Variants in COL18A1 observed in about 807,000 individuals in gnomAD.
COL18A1 encodes collagen type XVIII alpha 1 chain.
COL18A1 carries 133 observed loss-of-function variants against 168.0 expected under a neutral mutation model. The observed-to-expected ratio is 0.79, with a 90% confidence interval of 0.69 to 0.91. The LOEUF is 0.91. Among genes scored for constraint, COL18A1 ranks in the 40% least tolerant of loss-of-function variants. The pLI, the probability that COL18A1 is intolerant of heterozygous loss-of-function variation, is 0.00. For synonymous variants in COL18A1, 949 were observed against 809.0 expected (o/e 1.17, Z -2.94); for missense variants, 2,126 against 1,925.4 (o/e 1.10, Z -1.95).
chr21:45,434,640 G>A (rs2034050855), intron 2 of COL18A1, among the ~76,000 whole-genome samples: 1 of 152,226 alleles, frequency 6.6e-6, no homozygotes, highest in Admixed American at 6.5e-5. Flanking sequence ...GGGTGGCAGA[G>A]GCTGAATGAA....
At chr21:45,495,716 A>T (rs868134391) in intron 29 of COL18A1, 1 of 314,000 alleles carries the variant, frequency 3.2e-6, no homozygotes, top group Middle Eastern at 8.8e-4. Flanking sequence ...GCGCACACAT[A>T]CACGCACACA....
chr21:45,427,738 C>T (rs1187978685), intron 2 of COL18A1, among the ~76,000 whole-genome samples: 4 of 152,210 alleles, frequency 2.6e-5, no homozygotes, highest in South Asian at 2.1e-4. Context: ...TCTGCCGGGC[C>T]GAGCATTCAT....
Position 45,505,511 on chromosome 21 carries a change from C to A in COL18A1, c.3087+80C>A, listed in dbSNP as rs62214274. The A allele has an allele frequency of 0.36, 278,253 of 782,302 alleles. 52,914 individuals are homozygous for A. The highest frequency in any genetic ancestry group is 0.57 in the African/African-American group (33,599 of 58,510). 48.5% of individuals were successfully genotyped at this position (782,302 alleles called of 1,614,324 possible). On this transcript the variant is annotated intron_variant, in intron 36 of 41. Coordinates refer to ENST00000651438, the MANE Select transcript of COL18A1 (RefSeq NM_001379500.1). ...GCAGCCCCTGCCCCTCAGAGACACT[C>A]TCCCACGGACCCCACAGGGAGATAT...
At chr21:45,508,437 G>GGACA (rs1338954686) in intron 38 of COL18A1, among the ~76,000 whole-genome samples, 20 of 147,688 alleles carry the variant, frequency 1.4e-4, no homozygotes, top group African/African-American at 5.0e-4. Context: ...GATGGATGGT[G>GGACA]GGTAAGTGGG....
At chr21:45,437,281 C>T (rs955779304) in intron 2 of COL18A1, among the ~76,000 whole-genome samples, 1 of 135,162 alleles carries the variant, frequency 7.4e-6, no homozygotes, top group Non-Finnish European at 1.5e-5. Context: ...CACACAGGCA[C>T]TCTCCTGCAC....
At chr21:45,467,484 G>C (rs1048864373) in intron 2 of COL18A1, 1 of 961,206 alleles carries the variant, frequency 1.0e-6, no homozygotes, top group African/African-American at 1.8e-5. Flanking sequence ...CAGCATGGGG[G>C]GGATGGGGAG....
rs190659656 is a variant in COL18A1 at position 45,431,094 on chromosome 21, C to T, written c.106+25621C>T. Among the ~76,000 whole-genome samples the T allele has an allele frequency of 1.1e-4, 17 of 152,102 alleles. 1 individual carries two copies. The South Asian group carries it at 3.1e-3, about 28-fold the overall frequency. Reference sequence around the variant, plus strand: ...TTTGCTGGTTTGAGGCTGGGGGTGACGCTCCTGTGCGGGAGGAGGTCGCAT... The same window carrying T: ...TTTGCTGGTTTGAGGCTGGGGGTGATGCTCCTGTGCGGGAGGAGGTCGCAT... On this transcript the variant is annotated intron_variant, in intron 2 of 41. Coordinates refer to ENST00000651438, the MANE Select transcript of COL18A1 (RefSeq NM_001379500.1).
intron 18 of COL18A1, 87 bp from the exon 19 acceptor site, chr21:45,489,399 C>A: frequency 2.0e-6 from 2 of 1,009,088 alleles, no homozygotes; most frequent in Non-Finnish European, 3.1e-6. Context: ...TCCTGGGTAA[C>A]TCACCCTTCC....
At position 45,473,238 on chromosome 21, in the gene COL18A1, G is replaced by A. The variant is rs2035513766; in HGVS notation, c.652-657G>A. ...ACCAGGCACCGCCGGCCGCGCCAGGGCCCGAGAGGGCAGGGTCAGGCACCC... is the reference window on the plus strand; with the variant it reads ...ACCAGGCACCGCCGGCCGCGCCAGGACCCGAGAGGGCAGGGTCAGGCACCC... On this transcript the variant is annotated intron_variant, in intron 3 of 41. Transcript: ENST00000651438. The surrounding 1 kb of genome is among the most constrained non-coding windows in gnomAD (Gnocchi z 4.0). 6.6e-6 allele frequency among the ~76,000 whole-genome samples: 1 copy of A among 152,244 alleles called. No individual in the cohort carries two copies. Among genetic ancestry groups the A allele is most frequent in the South Asian group, 2.1e-4 (1 of 4,832 alleles).
chr21:45,499,351 C>T (rs192475549), intron 32 of COL18A1, among the ~76,000 whole-genome samples: 136 of 152,028 alleles, frequency 8.9e-4, no homozygotes, highest in Middle Eastern at 3.4e-3. Flanking sequence ...GGCGTCCCAG[C>T]GACAGGGAGG....
chr21:45,433,128 C>T (rs568399818), intron 2 of COL18A1, among the ~76,000 whole-genome samples: 4 of 152,290 alleles, frequency 2.6e-5, no homozygotes, highest in African/African-American at 7.2e-5. Context: ...GAGAGGGTCA[C>T]GGACACCCTT....
intron 15 of COL18A1, among the ~76,000 whole-genome samples, chr21:45,486,607 C>T (rs867094193): frequency 6.6e-5 from 10 of 152,192 alleles, no homozygotes; most frequent in Non-Finnish European, 1.2e-4. Flanking sequence ...TGGGCCTCCC[C>T]CTGTGCATGT....
At position 45,477,473 on chromosome 21, in the gene COL18A1, G is replaced by C; in HGVS notation, c.991G>C (p.Gly331Arg). The C allele has an allele frequency of 6.2e-7, 1 of 1,611,244 alleles. No homozygotes were observed. Among genetic ancestry groups the C allele is most frequent in the Non-Finnish European group, 8.5e-7 (1 of 1,178,850 alleles). Residue 331 changes from glycine to arginine, a missense_variant, in exon 7 of 42, where the codon GGC (glycine) becomes CGC (arginine). Gly to Arg is a moderately radical substitution (Grantham distance 125). Transcript: ENST00000651438. ...TWDGSVRTPGGRVKEGGLKGQ... is the reference protein window; with the variant it reads ...TWDGSVRTPGRRVKEGGLKGQ... ...GGACGGGAGTGTCCGGACCCCTGGG[G>C]GCCGCGTGAAAGAGGTAAGGCCACC...
In COL18A1 at chr21:45,498,113, G is replaced by A. The variant is rs896996730; in HGVS notation, c.2683+452G>A. On this transcript the variant is annotated intron_variant, in intron 32 of 41. Coordinates refer to ENST00000651438, the MANE Select transcript of COL18A1 (RefSeq NM_001379500.1). The surrounding 1 kb of genome is among the most constrained non-coding windows in gnomAD (Gnocchi z 4.5). ...AGCCCAGCACCCCTGCTCCCCCAAA[G>A]GACAAGAATTCCCCCCTGAGCCCCA... 4 of 627,222 alleles carry A rather than the reference G, an allele frequency of 6.4e-6. No individual in the cohort carries two copies. Among genetic ancestry groups the A allele is most frequent in the African/African-American group, 5.5e-5 (3 of 54,492 alleles). The allele number at this position is 627,222 out of a possible 1,614,324, so 38.9% of individuals were successfully genotyped here.
intron 2 of COL18A1, chr21:45,467,440 C>T: frequency 2.0e-6 from 2 of 985,318 alleles, no homozygotes; most frequent in African/African-American, 1.7e-5. Flanking sequence ...GGCATGCAGC[C>T]CCTCCAAGGG....
chr21:45,473,834 C>A lies in COL18A1; in HGVS notation c.652-61C>A. 1 of 1,366,028 alleles carries A rather than the reference C, an allele frequency of 7.3e-7. No individual in the cohort carries two copies. The highest frequency in any genetic ancestry group is 1.0e-6 in the Non-Finnish European group (1 of 979,418). 84.6% of individuals were successfully genotyped at this position (1,366,028 alleles called of 1,614,324 possible). A position where few individuals can be genotyped will look rare whatever the true frequency, so the allele number is the denominator to read the frequency against. ...CCCCCGAAATCTGGAGCTCAAGCAG[C>A]ACCGGGGTTGCCACTGCCACCTCAG... On this transcript the variant is annotated intron_variant, in intron 3 of 41. Coordinates refer to ENST00000651438, the MANE Select transcript of COL18A1 (RefSeq NM_001379500.1). This position sits in a 1 kb window ranked among gnomAD's most constrained non-coding sequence, Gnocchi z 4.0.
chr21:45,421,892 A>ACTGTGT (rs2033635299), intron 2 of COL18A1, among the ~76,000 whole-genome samples: 1 of 151,988 alleles, frequency 6.6e-6, no homozygotes, highest in Admixed American at 6.6e-5. Flanking sequence ...TGTGACTGTG[A>ACTGTGT]CCTGTGTCAT....
In COL18A1 at chr21:45,489,498, G is replaced by T. The variant is rs371970491; in HGVS notation, c.1936G>T (p.Val646Leu). The change falls in exon 19 of 42, where the codon GTG becomes TTG. Residue 646 changes from valine to leucine, a missense_variant. Transcript: ENST00000651438. ...GLPGLKGDPG[V>L]PGLPGAKGEV... is the part of the protein sequence containing the mutation. ...TTTTTTCACTTAGGGGGATCCTGGC[G>T]TGCCTGGGCTGCCGGGGGCGAAGGT... is the stretch of plus-strand genomic sequence containing the variant. The T allele has an allele frequency of 1.2e-6, 2 of 1,603,352 alleles. No individual in the cohort carries two copies. The highest frequency in any genetic ancestry group is 1.7e-6 in the Non-Finnish European group (2 of 1,175,032).
chr21:45,458,376 G>A (rs2034920484), intron 2 of COL18A1, among the ~76,000 whole-genome samples: 2 of 151,996 alleles, frequency 1.3e-5, no homozygotes, highest in South Asian at 4.1e-4. Flanking sequence ...GCCCACGGCT[G>A]TTGGCATCTC....
Sources: gnomAD v4.1 joint callset for allele counts (sites outside exome capture counted in the v4.1 genomes callset) on GRCh38, gnomAD v4.1.1 for gene constraint, Gnocchi (gnomAD v3.1) non-coding constraint, MANE v1.5 for transcripts, NCBI Gene and HGNC (gene_info 2026-07-23, HGNC 2026-07-21) for gene names.